FRMD4A: variants seen among roughly 807,000 people sequenced by gnomAD.
The protein encoded by FRMD4A is FERM domain containing 4A, also known as FERM domain-containing protein 4A.
FRMD4A carries 29 observed loss-of-function variants against 129.1 expected under a neutral mutation model. The ratio of observed to expected loss-of-function variants is 0.22; its 90% CI spans 0.17 to 0.31. FRMD4A has a LOEUF of 0.31. FRMD4A is among the 10% of genes least tolerant of loss of function. FRMD4A has a pLI of 1.00. For synonymous variants in FRMD4A, 634 were observed against 571.6 expected (o/e 1.11, Z -1.56); for missense variants, 1,272 against 1,375.8 (o/e 0.92, Z 1.19).
intron 2 of FRMD4A, among the ~76,000 whole-genome samples, chr10:14,237,253 C>T (rs1169524864): frequency 1.4e-4 from 22 of 152,020 alleles, no homozygotes; most frequent in Admixed American, 1.4e-3. Flanking sequence ...GAGATGTGTG[C>T]TAGGTGCTGT....
intron 24 of FRMD4A, chr10:13,648,862 T>C (rs1564502639): frequency 6.6e-6 from 1 of 152,124 alleles, no homozygotes; most frequent in Non-Finnish European, 1.5e-5. Flanking sequence ...AGGGGTTTCA[T>C]GAGATCTTAG....
At chr10:14,175,335 C>G (rs192522724) in intron 2 of FRMD4A, among the ~76,000 whole-genome samples, 2 of 152,302 alleles carry the variant, frequency 1.3e-5, no homozygotes, top group Admixed American at 1.3e-4. Flanking sequence ...GGGCGAGCCA[C>G]TCTGTCCTCC....
chr10:13,894,515 C>T (rs1480857335), intron 2 of FRMD4A, among the ~76,000 whole-genome samples: 10 of 152,218 alleles, frequency 6.6e-5, no homozygotes, highest in Admixed American at 6.5e-4. Context: ...CACCCAGTAG[C>T]CCAGGCTGGA....
intron 2 of FRMD4A, among the ~76,000 whole-genome samples, chr10:14,282,519 G>A (rs1168141359): frequency 6.6e-6 from 1 of 152,170 alleles, no homozygotes; most frequent in African/African-American, 2.4e-5. Flanking sequence ...AGGTAGGAGG[G>A]ATGGGGAAAC....
intron 13 of FRMD4A, among the ~76,000 whole-genome samples, chr10:13,702,531 T>A (rs2086931068): frequency 8.6e-6 from 1 of 116,704 alleles, no homozygotes; most frequent in Non-Finnish European, 1.8e-5. Context: ...TCTAAGAATG[T>A]GTGTTTGCAT....
chr10:13,834,402 C>T (rs189460109), intron 3 of FRMD4A, among the ~76,000 whole-genome samples: 2 of 152,270 alleles, frequency 1.3e-5, no homozygotes, highest in East Asian at 1.9e-4. Context: ...AAATTAGTCC[C>T]GTCTTCCCTA....
Position 13,847,635 on chromosome 10 carries a change from G to A in FRMD4A, c.111+11212C>T, listed in dbSNP as rs184589398. 3.7e-4 allele frequency among the ~76,000 whole-genome samples: 56 copies of A among 152,246 alleles called. 1 individual carries two copies. Among genetic ancestry groups the A allele is most frequent in the African/African-American group, 1.3e-3 (55 of 41,528 alleles). ...TCCTCCTGGATCCCCTTACAAGAAAGGACAGGGTCCAGCGGGTGGGATGTG... is the reference window on the plus strand; with the variant it reads ...TCCTCCTGGATCCCCTTACAAGAAAAGACAGGGTCCAGCGGGTGGGATGTG... On this transcript the variant is annotated intron_variant, in intron 3 of 24. Coordinates refer to ENST00000357447, the MANE Select transcript of FRMD4A (RefSeq NM_018027.5).
At chr10:13,783,436 T>G (rs1470010051) in intron 5 of FRMD4A, among the ~76,000 whole-genome samples, 3 of 152,180 alleles carry the variant, frequency 2.0e-5, no homozygotes, top group Non-Finnish European at 4.4e-5. Flanking sequence ...TTGTCCAGGC[T>G]GGAGTGCAGT....
intron 9 of FRMD4A, among the ~76,000 whole-genome samples, chr10:13,746,434 C>T (rs1471120261): frequency 1.3e-5 from 2 of 151,958 alleles, no homozygotes; most frequent in Non-Finnish European, 2.9e-5. Context: ...AGGATGGTCT[C>T]GATCTCCTGA....
intron 5 of FRMD4A, among the ~76,000 whole-genome samples, chr10:13,786,257 A>G (rs1196646946): frequency 2.6e-5 from 4 of 152,178 alleles, no homozygotes; most frequent in Admixed American, 6.5e-5. Flanking sequence ...AAGTGTTCCT[A>G]TTTCTCCACA....
At chr10:13,928,851 T>A (rs2095163739) in intron 2 of FRMD4A, among the ~76,000 whole-genome samples, 1 of 152,138 alleles carries the variant, frequency 6.6e-6, no homozygotes, top group African/African-American at 2.4e-5. Context: ...CTTTTTCCTC[T>A]CCCTTCCTGC....
chr10:14,221,710 G>A (rs1188445291), intron 2 of FRMD4A, among the ~76,000 whole-genome samples: 1 of 103,968 alleles, frequency 9.6e-6, no homozygotes, highest in Non-Finnish European at 1.9e-5. Flanking sequence ...CAGGTACACA[G>A]TACCACGCCG....
intron 5 of FRMD4A, among the ~76,000 whole-genome samples, chr10:13,785,769 C>G (rs1408906754): frequency 6.6e-6 from 1 of 151,848 alleles, no homozygotes. Flanking sequence ...TATCCCTCCC[C>G]CTACCCCCCA....
intron 6 of FRMD4A, among the ~76,000 whole-genome samples, chr10:13,779,948 C>T (rs567730509): frequency 3.6e-4 from 55 of 152,280 alleles, no homozygotes; most frequent in South Asian, 6.2e-4. Context: ...GGGGGTGTGA[C>T]GGAGATTGCA....
At chr10:13,757,734 A>G (rs1393368243) in intron 8 of FRMD4A, among the ~76,000 whole-genome samples, 3 of 152,144 alleles carry the variant, frequency 2.0e-5, no homozygotes, top group Non-Finnish European at 4.4e-5. Flanking sequence ...GTGTATCAGC[A>G]CTTTTGACTT....
At chr10:13,927,638 G>C (rs2095148650) in intron 2 of FRMD4A, among the ~76,000 whole-genome samples, 1 of 152,204 alleles carries the variant, frequency 6.6e-6, no homozygotes, top group Admixed American at 6.5e-5. Context: ...ATTTCCATTA[G>C]GCTGTCCTCT....
At position 14,010,351 on chromosome 10, in the gene FRMD4A, ATTAAGG is replaced by A. The variant is rs777029798; in HGVS notation, c.46-151445_46-151440del. Among the ~76,000 whole-genome samples the A allele has an allele frequency of 2.6e-4, 39 of 152,346 alleles. 1 individual carries two copies. In the South Asian group the frequency reaches 3.1e-3, roughly 12 times the overall value. ...AATAAAACAAAAACACATGCATTTG[ATTAAGG>A]TTAAAATACATATAGAAGAGAATGT... On this transcript the variant is annotated intron_variant, in intron 2 of 24. Transcript: ENST00000357447.
At chr10:13,989,786 G>C (rs1377065201) in intron 2 of FRMD4A, among the ~76,000 whole-genome samples, 1 of 152,194 alleles carries the variant, frequency 6.6e-6, no homozygotes. Context: ...GTTAAGAGTT[G>C]CCAGATAAAA....
intron 2 of FRMD4A, among the ~76,000 whole-genome samples, chr10:13,919,068 G>A (rs533831962): frequency 2.6e-5 from 4 of 152,138 alleles, no homozygotes; most frequent in East Asian, 1.9e-4. Flanking sequence ...GGAAGGTATC[G>A]TATGGTCCAA....
Sources: gnomAD v4.1 joint callset for allele counts (sites outside exome capture counted in the v4.1 genomes callset) on GRCh38, gnomAD v4.1.1 for gene constraint, MANE v1.5 for transcripts, NCBI Gene and HGNC (gene_info 2026-07-23, HGNC 2026-07-21) for gene names.